JAKMIP1: variants seen among roughly 807,000 people sequenced by gnomAD.
The protein encoded by JAKMIP1 is janus kinase and microtubule interacting protein 1.
In JAKMIP1, 33 loss-of-function variants were observed where a neutral mutation model predicts 113.0. That is an observed-to-expected ratio of 0.29 (90% confidence interval 0.22 to 0.39). JAKMIP1 has a LOEUF of 0.39. JAKMIP1 is among the 10% of genes least tolerant of loss of function. The probability of loss-of-function intolerance (pLI) is 1.00; values close to 1 mark genes in which losing one functional copy is unlikely to be tolerated. For missense variants in JAKMIP1, 813 were observed against 1,080.5 expected, an observed-to-expected ratio of 0.75 and a Z score of 3.47; for synonymous variants, 480 against 459.9, an observed-to-expected ratio of 1.04 and a Z score of -0.56.
At chr4:6,113,747 G>C (rs376320425) in intron 1 of JAKMIP1, among the ~76,000 whole-genome samples, 1 of 152,168 alleles carries the variant, frequency 6.6e-6, no homozygotes, top group Non-Finnish European at 1.5e-5. Flanking sequence ...CCTTCACCAC[G>C]TCTCCTTCTC....
chr4:6,102,722 C>CTTTT (rs1191358910), intron 3 of JAKMIP1, among the ~76,000 whole-genome samples: 641 of 50,840 alleles, frequency 0.013, 136 homozygotes, highest in Non-Finnish European at 0.016. Context: ...TCTCTAAAGA[C>CTTTT]TTTTTTTTTT....
chr4:6,147,516 T>C (rs1349532216), intron 1 of JAKMIP1, among the ~76,000 whole-genome samples: 1 of 152,214 alleles, frequency 6.6e-6, no homozygotes. Flanking sequence ...ATGTCTTCCA[T>C]GTGGTCCTCA....
At position 6,061,814 on chromosome 4, in the gene JAKMIP1, TG is replaced by T. The variant is rs1717322978; in HGVS notation, c.1560+497del. ...CGAAGGTGGGAGAAGGGCCAGTGGATGGAAGTTTCCAGAAGGCAGAGCTCAG... is the reference window on the plus strand; with the variant it reads ...CGAAGGTGGGAGAAGGGCCAGTGGATGAAGTTTCCAGAAGGCAGAGCTCAG... On this transcript the variant is annotated intron_variant, in intron 10 of 20. Coordinates refer to ENST00000409021, the MANE Select transcript of JAKMIP1 (RefSeq NM_001099433.2). The surrounding 1 kb of genome is among the most constrained non-coding windows in gnomAD (Gnocchi z 5.3). Among the ~76,000 whole-genome samples the T allele has an allele frequency of 6.6e-6, 1 of 152,070 alleles. No homozygotes were observed. The highest frequency in any genetic ancestry group is 2.4e-5 in the African/African-American group (1 of 41,400).
At chr4:6,098,691 A>T in intron 3 of JAKMIP1, among the ~76,000 whole-genome samples, 1 of 7,500 alleles carries the variant, frequency 1.3e-4, no homozygotes. Flanking sequence ...AAAGAAAGAA[A>T]GAAAGAAAGA....
At chr4:6,030,038 C>T (rs1322219606) in intron 19 of JAKMIP1, among the ~76,000 whole-genome samples, 2 of 152,144 alleles carry the variant, frequency 1.3e-5, no homozygotes, top group Non-Finnish European at 2.9e-5. Flanking sequence ...ACTTCTATCA[C>T]TAATAATGGA....
intron 1 of JAKMIP1, among the ~76,000 whole-genome samples, chr4:6,120,128 T>A (rs1160757126): frequency 1.3e-5 from 2 of 151,104 alleles, no homozygotes; most frequent in Non-Finnish European, 2.9e-5. Context: ...GTTGGTAGAG[T>A]CAAATCCTTT....
At chr4:6,113,480 G>A (rs904446140) in intron 1 of JAKMIP1, among the ~76,000 whole-genome samples, 11 of 152,178 alleles carry the variant, frequency 7.2e-5, no homozygotes, top group Non-Finnish European at 1.3e-4. Flanking sequence ...CAGGGCGTGA[G>A]GACCACACTT....
At chr4:6,196,683 AC>A (rs1266668858) in intron 1 of JAKMIP1, among the ~76,000 whole-genome samples, 1 of 152,026 alleles carries the variant, frequency 6.6e-6, no homozygotes, top group Non-Finnish European at 1.5e-5. Flanking sequence ...ACATGGTGAA[AC>A]CCTGTCTCTA....
At chr4:6,103,124 A>G (rs1265084010) in intron 3 of JAKMIP1, among the ~76,000 whole-genome samples, 1 of 152,164 alleles carries the variant, frequency 6.6e-6, no homozygotes, top group East Asian at 1.9e-4. Flanking sequence ...ATATTTCATC[A>G]TTATGTATGT....
chr4:6,056,660 C>T, intron 12 of JAKMIP1, 37 bp downstream of exon 12: 1 of 1,575,582 alleles, frequency 6.3e-7, no homozygotes, highest in Non-Finnish European at 8.7e-7. Flanking sequence ...CCCAACTGCC[C>T]TGCGGCTGTG....
Position 6,062,330 on chromosome 4 carries a change from G to A in JAKMIP1, c.1542C>T (p.Asp514=), listed in dbSNP as rs140800814. Residue 514 remains aspartate, a synonymous_variant, in exon 10 of 21, where the codon GAC becomes GAT. Coordinates refer to ENST00000409021, the MANE Select transcript of JAKMIP1 (RefSeq NM_001099433.2). ...LLQEQVGGTL[D]AEREARTREQ... ...CACTCACCCGGGCCTCCCTCTCAGC[G>A]TCCAGCGTGCCTCCCACCTGCTCCT... is the stretch of plus-strand genomic sequence containing the variant. 6.8e-5 allele frequency: 109 copies of A among 1,612,876 alleles called. No homozygotes were observed. The highest frequency in any genetic ancestry group is 2.8e-4 in the African/African-American group (21 of 74,914).
intron 3 of JAKMIP1, among the ~76,000 whole-genome samples, chr4:6,100,491 G>A (rs1712817888): frequency 6.6e-6 from 1 of 152,164 alleles, no homozygotes; most frequent in African/African-American, 2.4e-5. Flanking sequence ...ACCAACTGAG[G>A]ACATTTGGGC....
At position 6,067,612 on chromosome 4, in the gene JAKMIP1, C is replaced by G. The variant is rs1251822038; in HGVS notation, c.1303-2604G>C. ...GCTCTTCTGCACACACAGGTCACCC[C>G]CCTGAGCTCCAGGTTCACTCAAGCT... On this transcript the variant is annotated intron_variant, in intron 8 of 20. Transcript: ENST00000409021. This position sits in a 1 kb window ranked among gnomAD's most constrained non-coding sequence, Gnocchi z 4.6. Among the ~76,000 whole-genome samples, 1 of 148,780 alleles carries G rather than the reference C, an allele frequency of 6.7e-6. No individual in the cohort carries two copies. Among genetic ancestry groups the G allele is most frequent in the Non-Finnish European group, 1.5e-5 (1 of 66,238 alleles).
At chr4:6,070,703 T>C (rs995195149) in intron 8 of JAKMIP1, among the ~76,000 whole-genome samples, 2 of 152,242 alleles carry the variant, frequency 1.3e-5, no homozygotes, top group African/African-American at 2.4e-5. Context: ...CCTCATGTGT[T>C]TGGGAAATTT....
At chr4:6,189,707 G>A (rs1727028787) in intron 1 of JAKMIP1, among the ~76,000 whole-genome samples, 1 of 152,196 alleles carries the variant, frequency 6.6e-6, no homozygotes, top group South Asian at 2.1e-4. Context: ...GGCAGAGGGT[G>A]GCGTAGGGCA....
In JAKMIP1 at chr4:6,044,230, G is replaced by A. The variant is rs1714708375; in HGVS notation, c.2029-2003C>T. 2.0e-5 allele frequency among the ~76,000 whole-genome samples: 3 copies of A among 152,082 alleles called. No homozygotes were observed. The highest frequency in any genetic ancestry group is 7.2e-5 in the African/African-American group (3 of 41,416). On this transcript the variant is annotated intron_variant, in intron 16 of 20. Coordinates refer to ENST00000409021, the MANE Select transcript of JAKMIP1 (RefSeq NM_001099433.2). The surrounding 1 kb of genome is among the most constrained non-coding windows in gnomAD (Gnocchi z 4.4). ...CACCCCTCACCCCGCTGCCCCCCTT[G>A]AAGGTGGGGACCACATTTGCCTCCT... is the stretch of plus-strand genomic sequence containing the variant.
Position 6,085,523 on chromosome 4 carries a change from T to C in JAKMIP1, c.731A>G (p.Asp244Gly). ...CTCCTTGACCTGAACCAGCTGCTCATCCAAAGCCTCTTTCTGCAGAAGCAG... is the reference window on the plus strand; with the variant it reads ...CTCCTTGACCTGAACCAGCTGCTCACCCAAAGCCTCTTTCTGCAGAAGCAG... ...QKLLLQKEAL[D>G]EQLVQVKEAE... Residue 244 changes from aspartate to glycine, a missense_variant, in exon 4 of 21, where the codon GAT (aspartate) becomes GGT (glycine). This residue lies in a region of JAKMIP1 where 540 missense variants were observed against 653.9 expected (regional missense o/e 0.83). Coordinates refer to ENST00000409021, the MANE Select transcript of JAKMIP1 (RefSeq NM_001099433.2). The C allele has an allele frequency of 6.2e-7, 1 of 1,614,212 alleles. No individual in the cohort carries two copies. Among genetic ancestry groups the C allele is most frequent in the Non-Finnish European group, 8.5e-7 (1 of 1,180,052 alleles).
At position 6,184,690 on chromosome 4, in the gene JAKMIP1, T is replaced by C. The variant is rs1455375532; in HGVS notation, c.-148+15563A>G. Among the ~76,000 whole-genome samples the C allele has an allele frequency of 2.0e-5, 3 of 152,138 alleles. No homozygotes were observed. Among genetic ancestry groups the C allele is most frequent in the Admixed American group, 6.5e-5 (1 of 15,276 alleles). On this transcript the variant is annotated intron_variant, in intron 1 of 20. Transcript: ENST00000409021. The surrounding 1 kb of genome is among the most constrained non-coding windows in gnomAD (Gnocchi z 4.5). ...AAGGGAAGCAACCAATTGTCAACTA[T>C]TTTAGAAACAGCCAAACAGAATGCA... is the stretch of plus-strand genomic sequence containing the variant.
chr4:6,172,806 GC>G (rs1255210507), intron 1 of JAKMIP1, among the ~76,000 whole-genome samples: 1 of 151,926 alleles, frequency 6.6e-6, no homozygotes, highest in South Asian at 2.1e-4. Flanking sequence ...GCCCCACCCT[GC>G]CCCCGTGATC....
Sources: gnomAD v4.1 joint callset for allele counts (sites outside exome capture counted in the v4.1 genomes callset) on GRCh38, gnomAD v4.1.1 for gene constraint, gnomAD v4.1.1 regional missense constraint, Gnocchi (gnomAD v3.1) non-coding constraint, MANE v1.5 for transcripts, NCBI Gene and HGNC (gene_info 2026-07-23, HGNC 2026-07-21) for gene names.